The following PCDH15 variants were observed in gnomAD, a reference collection of about 807,000 sequenced individuals.
PCDH15 encodes protocadherin-15.
PCDH15 carries 129 observed loss-of-function variants against 178.5 expected under a neutral mutation model. The observed-to-expected ratio is 0.72, with a 90% CI of 0.63 to 0.84. The LOEUF (loss-of-function observed/expected upper bound fraction) is 0.84, where lower values mean the gene tolerates loss of function less well. PCDH15 is among the 40% of genes least tolerant of loss of function. The probability of loss-of-function intolerance (pLI) is 0.00; values close to 1 mark genes in which losing one functional copy is unlikely to be tolerated. For synonymous variants in PCDH15, 800 were observed against 732.0 expected (o/e 1.09, Z -1.50); for missense variants, 2,230 against 2,099.9 (o/e 1.06, Z -1.21).
At chr10:54,887,668 T>C (rs1011027115) in intron 3 of PCDH15, among the ~76,000 whole-genome samples, 1 of 152,104 alleles carries the variant, frequency 6.6e-6, no homozygotes, top group Admixed American at 6.6e-5. Flanking sequence ...TTTTTGAAAA[T>C]TAATAGGTGT....
chr10:53,864,952 A>G (rs1390893128), intron 27 of PCDH15, among the ~76,000 whole-genome samples: 1 of 152,092 alleles, frequency 6.6e-6, no homozygotes, highest in Non-Finnish European at 1.5e-5. Flanking sequence ...TAACAATACT[A>G]TAGCTAGGCA....
chr10:54,369,118 A>G lies in PCDH15; in HGVS notation c.474+2T>C. ...ACAGAGAGAGAGTAAATAGAAACTG[A>G]CCTCATTCACTGTGGCATAGTAGCT... On this transcript the variant is annotated splice_donor_variant, in intron 5 of 37. Coordinates refer to ENST00000644397, the MANE Select transcript of PCDH15 (RefSeq NM_001384140.1). LOFTEE classifies it high-confidence loss of function. The G allele has an allele frequency of 6.2e-7, 1 of 1,612,696 alleles. No individual in the cohort carries two copies. The highest frequency in any genetic ancestry group is 8.5e-7 in the Non-Finnish European group (1 of 1,179,134).
chr10:54,782,984 C>A (rs947335865), intron 1 of PCDH15, among the ~76,000 whole-genome samples: 1 of 152,098 alleles, frequency 6.6e-6, no homozygotes, highest in Non-Finnish European at 1.5e-5. Flanking sequence ...GAAAAAAAGT[C>A]TTTTCCTATA....
intron 15 of PCDH15, among the ~76,000 whole-genome samples, chr10:54,099,013 T>C (rs922883666): frequency 1.3e-5 from 2 of 152,184 alleles, no homozygotes; most frequent in Non-Finnish European, 2.9e-5. Flanking sequence ...AGAATTTAGT[T>C]CAAGGTTTTC....
At chr10:54,820,998 CATGATGGATACAGT>C (rs1564538021) in intron 3 of PCDH15, among the ~76,000 whole-genome samples, 1 of 151,972 alleles carries the variant, frequency 6.6e-6, no homozygotes, top group Admixed American at 6.6e-5. Flanking sequence ...ACAAAACACA[CATGATGGATACAGT>C]ACCTCTTTTG....
At chr10:53,922,431 T>C (rs745366708) in intron 25 of PCDH15, among the ~76,000 whole-genome samples, 15 of 152,178 alleles carry the variant, frequency 9.9e-5, no homozygotes, top group Non-Finnish European at 1.6e-4. Context: ...TAAGAGAAAG[T>C]TGAAGATTAT....
chr10:55,189,611 T>C (rs969669126), intron 1 of PCDH15, among the ~76,000 whole-genome samples: 2 of 151,936 alleles, frequency 1.3e-5, no homozygotes, highest in Non-Finnish European at 1.5e-5. Context: ...TTAAGAACTT[T>C]GTTTTACATA....
intron 3 of PCDH15, among the ~76,000 whole-genome samples, chr10:54,515,655 G>T (rs182670964): frequency 2.1e-3 from 313 of 152,328 alleles, no homozygotes; most frequent in South Asian, 3.7e-3. Flanking sequence ...CACGCAGCTG[G>T]AGATCTGAGA....
At chr10:54,697,763 G>A (rs1317190412) in intron 1 of PCDH15, among the ~76,000 whole-genome samples, 1 of 151,332 alleles carries the variant, frequency 6.6e-6, no homozygotes, top group Non-Finnish European at 1.5e-5. Context: ...AAGGCCGGCA[G>A]GAAGGAAGAA....
intron 9 of PCDH15, among the ~76,000 whole-genome samples, chr10:54,218,755 C>G (rs2052390592): frequency 6.6e-6 from 1 of 151,960 alleles, no homozygotes; most frequent in South Asian, 2.1e-4. Context: ...TTGAGAAAAC[C>G]CAACAAAGAA....
At chr10:55,472,597 C>T (rs1012236152) in intron 2 of PCDH15, among the ~76,000 whole-genome samples, 3 of 151,616 alleles carry the variant, frequency 2.0e-5, no homozygotes, top group African/African-American at 7.3e-5. Flanking sequence ...GAGACGGAGT[C>T]TCGCTCTGTC....
chr10:53,856,417 A>T (rs191488428), intron 28 of PCDH15, among the ~76,000 whole-genome samples: 1 of 152,184 alleles, frequency 6.6e-6, no homozygotes, highest in African/African-American at 2.4e-5. Flanking sequence ...TACACTGTTA[A>T]GGAGGCAGAG....
chr10:53,927,421 T>C (rs2084661378), intron 25 of PCDH15, among the ~76,000 whole-genome samples: 1 of 152,194 alleles, frequency 6.6e-6, no homozygotes, highest in Non-Finnish European at 1.5e-5. Context: ...GCAAATCTGA[T>C]ACAATTCACA....
intron 9 of PCDH15, among the ~76,000 whole-genome samples, chr10:54,225,130 T>C (rs1169033492): frequency 6.6e-6 from 1 of 152,092 alleles, no homozygotes; most frequent in Admixed American, 6.6e-5. Flanking sequence ...CTTCTGATTG[T>C]ATAGTTCAGG....
intron 1 of PCDH15, among the ~76,000 whole-genome samples, chr10:54,710,410 C>G (rs1443233862): frequency 6.6e-6 from 1 of 151,926 alleles, no homozygotes; most frequent in Admixed American, 6.6e-5. Context: ...TAGATTTTTA[C>G]TGTAGGTTAA....
At chr10:55,450,460 A>T (rs972748790) in intron 2 of PCDH15, among the ~76,000 whole-genome samples, 4 of 152,188 alleles carry the variant, frequency 2.6e-5, no homozygotes, top group Admixed American at 6.6e-5. Context: ...ATCTTCAGGA[A>T]CGCACCTAAT....
At chr10:55,441,650 A>G (rs892054585) in intron 2 of PCDH15, among the ~76,000 whole-genome samples, 2 of 152,194 alleles carry the variant, frequency 1.3e-5, no homozygotes, top group African/African-American at 4.8e-5. Context: ...CAGAAACAAG[A>G]TAATCCTAAC....
chr10:55,390,732 C>T (rs1359500882), intron 2 of PCDH15, among the ~76,000 whole-genome samples: 2 of 152,156 alleles, frequency 1.3e-5, no homozygotes, highest in Admixed American at 1.3e-4. Flanking sequence ...TGTGAACACA[C>T]ATAAAAACAA....
chr10:54,979,708 C>G (rs1564684818), intron 2 of PCDH15, among the ~76,000 whole-genome samples: 1 of 145,112 alleles, frequency 6.9e-6, no homozygotes, highest in Non-Finnish European at 1.5e-5. Context: ...TTTTTATCAA[C>G]AGAAAAATGG....
Sources: allele counts gnomAD v4.1 joint callset (sites outside exome capture counted in the v4.1 genomes callset), GRCh38; gene constraint gnomAD v4.1.1; transcripts MANE v1.5; gene names NCBI Gene and HGNC (gene_info 2026-07-23, HGNC 2026-07-21).